LATS1: variants seen among roughly 807,000 people sequenced by gnomAD.
LATS1 encodes serine/threonine-protein kinase LATS1.
LATS1 carries 25 observed loss-of-function variants against 106.6 expected under a neutral mutation model. The observed-to-expected ratio is 0.23, with a 90% confidence interval of 0.17 to 0.33. The LOEUF (loss-of-function observed/expected upper bound fraction) is 0.33. Among genes scored for constraint, LATS1 ranks in the 10% least tolerant of loss-of-function variants. The pLI, the probability that LATS1 is intolerant of heterozygous loss-of-function variation, is 1.00. For synonymous variants in LATS1, 465 were observed against 455.6 expected (o/e 1.02, Z -0.26); for missense variants, 1,040 against 1,382.6 (o/e 0.75, Z 3.93).
At chr6:149,710,396 A>G (rs905404211) in intron 1 of LATS1, among the ~76,000 whole-genome samples, 4 of 152,202 alleles carry the variant, frequency 2.6e-5, no homozygotes, top group Non-Finnish European at 5.9e-5. Flanking sequence ...GAATTGGAAG[A>G]AGGCACAAAA....
At chr6:149,699,058 CA>C (rs11290034) in intron 2 of LATS1, among the ~76,000 whole-genome samples, 64,944 of 141,466 alleles carry the variant, frequency 0.46, 15,000 homozygotes, top group East Asian at 0.81. Context: ...AACACATTCT[CA>C]AAAAAAAAAA....
chr6:149,684,476 G>T lies in LATS1; in HGVS notation c.613C>A (p.Pro205Thr). Residue 205 changes from proline to threonine, a missense_variant, in exon 4 of 8, where the codon CCC becomes ACC. Physicochemically the swap from Pro to Thr is conservative, Grantham distance 38. Transcript: ENST00000543571. ...CTTCCTACATCTGTCTGTGAGTTGG[G>T]ACTCTCAGAATGATAGGCCACACTT... The part of the protein sequence containing the change: ...GESVAYHSES[P>T]NSQTDVGRPL... The T allele has an allele frequency of 6.2e-7, 1 of 1,613,830 alleles. No individual in the cohort carries two copies. Among genetic ancestry groups the T allele is most frequent in the Non-Finnish European group, 8.5e-7 (1 of 1,179,782 alleles).
intron 1 of LATS1, among the ~76,000 whole-genome samples, chr6:149,706,578 G>T (rs1783784937): frequency 6.6e-6 from 1 of 152,118 alleles, no homozygotes; most frequent in Non-Finnish European, 1.5e-5. Flanking sequence ...TTTGGAAAAA[G>T]GGATGCTGCA....
intron 1 of LATS1, among the ~76,000 whole-genome samples, chr6:149,713,671 T>G (rs1784232443): frequency 6.6e-6 from 1 of 151,962 alleles, no homozygotes; most frequent in Non-Finnish European, 1.5e-5. Flanking sequence ...TTGTTTTTGT[T>G]TTTTTGAGAA....
intron 7 of LATS1, among the ~76,000 whole-genome samples, chr6:149,672,972 A>C (rs1454449312): frequency 1.3e-5 from 2 of 151,890 alleles, no homozygotes; most frequent in Non-Finnish European, 2.9e-5. Context: ...AGAAATGGAT[A>C]GATTTTATGT....
chr6:149,694,581 C>T (rs1046836723), intron 3 of LATS1, among the ~76,000 whole-genome samples: 2 of 152,110 alleles, frequency 1.3e-5, no homozygotes, highest in Non-Finnish European at 2.9e-5. Context: ...TTAGTATGTT[C>T]CCATTTTTTG....
chr6:149,679,901 G>A lies in LATS1; in HGVS notation c.2567C>T (p.Thr856Ile). The stretch of plus-strand genomic sequence containing the variant: ...ACTCTGATAGTACTTAGAATCGTGT[G>A]TCCATCTGAAGCCAGTGCAGAGGCC... ...DFGLCTGFRW[T>I]HDSKYYQSGD... The change falls in exon 5 of 8, where the codon ACA becomes ATA. Residue 856 changes from threonine (T) to isoleucine (I), a missense_variant. Coordinates refer to ENST00000543571, the MANE Select transcript of LATS1 (RefSeq NM_004690.4). 3 of 1,606,164 alleles carry A rather than the reference G, an allele frequency of 1.9e-6. No individual in the cohort carries two copies. Among genetic ancestry groups the A allele is most frequent in the Non-Finnish European group, 2.6e-6 (3 of 1,176,366 alleles).
In LATS1 at chr6:149,661,342, G is replaced by A. The variant is rs145235959; in HGVS notation, c.*387C>T. 5.2e-4 allele frequency: 124 copies of A among 236,564 alleles called. No homozygotes were observed. Among genetic ancestry groups the A allele is most frequent in the Non-Finnish European group, 7.5e-4 (90 of 120,772 alleles). The allele number at this position is 236,564 out of a possible 1,614,324, so 14.7% of individuals were successfully genotyped here. A position where few individuals can be genotyped will look rare whatever the true frequency, so the allele number is the denominator to read the frequency against. The stretch of plus-strand genomic sequence containing the variant: ...GGGGTATGTTTCATATTTGGTTAAA[G>A]CAAGATAAAACTAAAACTGTCTTTC... On this transcript the variant is annotated 3_prime_UTR_variant, in exon 8 of 8. Transcript: ENST00000543571.
At chr6:149,711,412 C>T (rs566958711) in intron 1 of LATS1, among the ~76,000 whole-genome samples, 19 of 152,028 alleles carry the variant, frequency 1.2e-4, no homozygotes, top group Non-Finnish European at 1.5e-5. Flanking sequence ...GGCGTGGTGG[C>T]ATGTGCCTGT....
Position 149,702,102 on chromosome 6 carries a change from C to CT in LATS1, c.24dup (p.Gly9ArgfsTer3), listed in dbSNP as rs779112577. 1.2e-6 allele frequency: 2 copies of CT among 1,609,936 alleles called. No individual in the cohort carries two copies. The highest frequency in any genetic ancestry group is 3.4e-5 in the Admixed American group (2 of 59,202). ...GTCTTAGGCCTCATTTGTCTATATC[C>CT]TTCTGGCTTTTCACTCCTCTTCATG... On this transcript the variant is annotated frameshift_variant, in exon 2 of 8. Coordinates refer to ENST00000543571, the MANE Select transcript of LATS1 (RefSeq NM_004690.4). LOFTEE classifies it high-confidence loss of function.
intron 5 of LATS1, among the ~76,000 whole-genome samples, chr6:149,677,628 G>C (rs984645809): frequency 6.6e-6 from 1 of 152,176 alleles, no homozygotes; most frequent in Non-Finnish European, 1.5e-5. Context: ...CAGCTGGATA[G>C]AGAAATTACG....
chr6:149,711,253 AAT>A (rs200892300), intron 1 of LATS1, among the ~76,000 whole-genome samples: 10 of 151,078 alleles, frequency 6.6e-5, no homozygotes, highest in Non-Finnish European at 1.0e-4. Flanking sequence ...AAAAAAAAAA[AAT>A]ATCTTTTGGC....
chr6:149,700,608 CA>C (rs1040248375), intron 2 of LATS1, among the ~76,000 whole-genome samples: 1 of 151,322 alleles, frequency 6.6e-6, no homozygotes, highest in Non-Finnish European at 1.5e-5. Context: ...ATTCGGCCAC[CA>C]AAAAAACACA....
chr6:149,681,664 A>G (rs1357270201), intron 4 of LATS1, among the ~76,000 whole-genome samples: 1 of 152,250 alleles, frequency 6.6e-6, no homozygotes, highest in African/African-American at 2.4e-5. Context: ...TAAAATATAA[A>G]ATAGAAATAA....
intron 7 of LATS1, among the ~76,000 whole-genome samples, chr6:149,666,872 A>C (rs1422371578): frequency 6.7e-6 from 1 of 148,302 alleles, no homozygotes; most frequent in African/African-American, 2.5e-5. Context: ...TAAACTCAGG[A>C]GGCGGAGCTT....
At chr6:149,698,022 G>A (rs142169566) in intron 2 of LATS1, among the ~76,000 whole-genome samples, 43 of 152,260 alleles carry the variant, frequency 2.8e-4, no homozygotes, top group African/African-American at 8.9e-4. Flanking sequence ...TTACCGGTGT[G>A]AGCCACCACA....
chr6:149,670,780 T>C (rs745866174), intron 7 of LATS1, among the ~76,000 whole-genome samples: 8 of 152,048 alleles, frequency 5.3e-5, no homozygotes, highest in Non-Finnish European at 1.0e-4. Context: ...GGTTATTTGT[T>C]TCCTTACTGT....
chr6:149,678,095 C>T (rs1472745922), intron 5 of LATS1, among the ~76,000 whole-genome samples: 1 of 121,838 alleles, frequency 8.2e-6, no homozygotes, highest in Non-Finnish European at 1.6e-5. Context: ...CAGAGGCAGG[C>T]AAATCATGAG....
chr6:149,694,537 T>C (rs372479544), intron 3 of LATS1, among the ~76,000 whole-genome samples: 23 of 152,280 alleles, frequency 1.5e-4, no homozygotes, highest in African/African-American at 4.8e-4. Flanking sequence ...ACAAGTAAAA[T>C]TGTACATGGT....
Sources: gnomAD v4.1 joint callset for allele counts (sites outside exome capture counted in the v4.1 genomes callset) on GRCh38, gnomAD v4.1.1 for gene constraint, MANE v1.5 for transcripts, NCBI Gene and HGNC (gene_info 2026-07-23, HGNC 2026-07-21) for gene names.